Variants in CRYBG3 observed in about 807,000 individuals in gnomAD.
CRYBG3 encodes very large A-kinase anchor protein.
Under a neutral mutation model 244.2 loss-of-function variants are expected in CRYBG3, and 127 were observed. That is an observed-to-expected ratio of 0.52 (90% CI 0.45 to 0.60). The LOEUF (loss-of-function observed/expected upper bound fraction) is 0.60. CRYBG3 is among the 20% of genes least tolerant of loss of function. The probability of loss-of-function intolerance (pLI) is 0.00; values close to 1 mark genes in which losing one functional copy is unlikely to be tolerated. For missense variants in CRYBG3, 3,325 were observed against 3,442.5 expected, an observed-to-expected ratio of 0.97 and a Z score of 0.85; for synonymous variants, 1,132 against 1,195.8, an observed-to-expected ratio of 0.95 and a Z score of 1.10.
intron 1 of CRYBG3, among the ~76,000 whole-genome samples, chr3:97,826,176 TG>T (rs940628386): frequency 2.6e-5 from 4 of 152,176 alleles, no homozygotes; most frequent in African/African-American, 9.7e-5. Flanking sequence ...TATAGCCTGT[TG>T]TAGGGTATCA....
Position 97,876,630 on chromosome 3 carries a change from C to G in CRYBG3, c.5436C>G (p.His1812Gln), listed in dbSNP as rs562240745. The G allele has an allele frequency of 6.5e-6, 8 of 1,234,198 alleles. No individual in the cohort carries two copies. The highest frequency in any genetic ancestry group is 6.1e-6 in the Non-Finnish European group (6 of 989,558). 76.5% of individuals were successfully genotyped at this position (1,234,198 alleles called of 1,614,324 possible). Residue 1812 changes from histidine to glutamine, a missense_variant, in exon 4 of 22, where the codon CAC becomes CAG. Transcript: ENST00000389622. ...GTGTGTTAAAAGTGAAGGAAGCACA[C>G]GAGACAGCACCTGCCCCCTTAGAAA... ...VPCVLKVKEA[H>Q]ETAPAPLEME...
At position 97,943,790 on chromosome 3, in the gene CRYBG3, A is replaced by AAAT. The variant is rs2040288883; in HGVS notation, c.*478_*480dup. 1 of 154,084 alleles carries AAAT rather than the reference A, an allele frequency of 6.5e-6. No individual in the cohort carries two copies. Among genetic ancestry groups the AAAT allele is most frequent in the South Asian group, 2.0e-4 (1 of 4,894 alleles). The allele number at this position is 154,084 out of a possible 1,614,324, so 9.5% of individuals were successfully genotyped here. Reference sequence around the variant, plus strand: ...TGAGTAATTTTTTAGCAACACCTGAAAATATACTAAACTTTCCTAGATAAA... The same window carrying AAAT: ...TGAGTAATTTTTTAGCAACACCTGAAAATAATATACTAAACTTTCCTAGATAAA... On this transcript the variant is annotated 3_prime_UTR_variant, in exon 22 of 22. Coordinates refer to ENST00000389622, the MANE Select transcript of CRYBG3 (RefSeq NM_153605.4).
chr3:97,882,199 C>T (rs527549518), intron 7 of CRYBG3, among the ~76,000 whole-genome samples: 1,814 of 114,424 alleles, frequency 0.016, 36 homozygotes, highest in African/African-American at 0.05. Flanking sequence ...CAGAGCAAGA[C>T]TCTGTCTAAT....
chr3:97,925,441 T>C (rs964917867), intron 17 of CRYBG3, among the ~76,000 whole-genome samples: 1 of 152,044 alleles, frequency 6.6e-6, no homozygotes, highest in Non-Finnish European at 1.5e-5. Flanking sequence ...AATAAGAATG[T>C]CTGTTGCAGC....
At chr3:97,847,239 C>G (rs564479118) in intron 2 of CRYBG3, among the ~76,000 whole-genome samples, 1 of 152,248 alleles carries the variant, frequency 6.6e-6, no homozygotes, top group Admixed American at 6.5e-5. Context: ...ACTGTATCAC[C>G]AGTTATATCT....
At chr3:97,939,210 A>C (rs1247140919) in intron 19 of CRYBG3, among the ~76,000 whole-genome samples, 2 of 152,004 alleles carry the variant, frequency 1.3e-5, no homozygotes, top group Non-Finnish European at 2.9e-5. Flanking sequence ...CAAGAATAGT[A>C]TGCTATTTTC....
At chr3:97,943,204 T>G (rs1205981739) in intron 21 of CRYBG3, 22 bp from the exon 22 acceptor site, 1 of 1,396,788 alleles carries the variant, frequency 7.2e-7, no homozygotes, top group East Asian at 2.3e-5. Context: ...AATAATCTTT[T>G]CTTTTGGAAT....
intron 17 of CRYBG3, among the ~76,000 whole-genome samples, chr3:97,928,164 G>A (rs781767321): frequency 1.3e-5 from 2 of 151,976 alleles, no homozygotes; most frequent in Non-Finnish European, 2.9e-5. Flanking sequence ...ACCCATCAAC[G>A]TTGGACTGGA....
At chr3:97,857,404 G>A (rs1231348747) in intron 2 of CRYBG3, among the ~76,000 whole-genome samples, 1 of 150,964 alleles carries the variant, frequency 6.6e-6, no homozygotes. Flanking sequence ...AATTTAATCC[G>A]CGATTTCCTT....
At chr3:97,943,203 T>C in intron 21 of CRYBG3, 23 bp from the exon 22 acceptor site, 1 of 1,394,592 alleles carries the variant, frequency 7.2e-7, no homozygotes, top group Non-Finnish European at 1.0e-6. Flanking sequence ...AAATAATCTT[T>C]TCTTTTGGAA....
intron 1 of CRYBG3, among the ~76,000 whole-genome samples, chr3:97,838,394 A>G (rs548656372): frequency 1.3e-5 from 2 of 152,222 alleles, no homozygotes; most frequent in South Asian, 4.2e-4. Flanking sequence ...CTCTCAGACC[A>G]TTGTTTATCA....
intron 17 of CRYBG3, among the ~76,000 whole-genome samples, chr3:97,932,604 G>T (rs909221532): frequency 3.3e-5 from 5 of 151,998 alleles, no homozygotes; most frequent in Admixed American, 3.3e-4. Flanking sequence ...CTACCGAGTT[G>T]CAGTTGCTTC....
chr3:97,851,369 T>C (rs1033136932), intron 2 of CRYBG3, among the ~76,000 whole-genome samples: 2 of 152,192 alleles, frequency 1.3e-5, no homozygotes, highest in African/African-American at 4.8e-5. Context: ...TTAGTTACCG[T>C]TAATAACTTC....
chr3:97,871,132 T>C (rs1014641773), intron 3 of CRYBG3, among the ~76,000 whole-genome samples: 7 of 152,342 alleles, frequency 4.6e-5, no homozygotes, highest in African/African-American at 1.7e-4. Context: ...AATTGGGTGC[T>C]GAGAGCATCA....
chr3:97,914,888 A>G (rs1314906387), intron 16 of CRYBG3, among the ~76,000 whole-genome samples: 1 of 152,170 alleles, frequency 6.6e-6, no homozygotes, highest in Non-Finnish European at 1.5e-5. Flanking sequence ...CCAAAACTAA[A>G]TTAGTAACAG....
intron 3 of CRYBG3, among the ~76,000 whole-genome samples, chr3:97,866,699 G>GT: frequency 6.6e-6 from 1 of 152,206 alleles, no homozygotes. Context: ...ATTTTGATTG[G>GT]TTAGGTCAGA....
At position 97,873,474 on chromosome 3, in the gene CRYBG3, A is replaced by G. The variant is rs917157611; in HGVS notation, c.2280A>G (p.Leu760=). Residue 760 remains leucine (L), a synonymous_variant, in exon 4 of 22, where the codon CTA becomes CTG. Transcript: ENST00000389622. ...GCCCTCACTTAACTGGGTTGGAGCTATTGAGCTTTGACTCTGGAAACCTCT... is the reference window on the plus strand; with the variant it reads ...GCCCTCACTTAACTGGGTTGGAGCTGTTGAGCTTTGACTCTGGAAACCTCT... ...ASGPHLTGLE[L]LSFDSGNLSK... The G allele has an allele frequency of 9.8e-6, 15 of 1,535,792 alleles. No individual in the cohort carries two copies. The highest frequency in any genetic ancestry group is 1.4e-5 in the African/African-American group (1 of 73,048).
chr3:97,895,751 T>C (rs2039632869), intron 11 of CRYBG3, among the ~76,000 whole-genome samples: 1 of 152,236 alleles, frequency 6.6e-6, no homozygotes, highest in Non-Finnish European at 1.5e-5. Flanking sequence ...ATAATTAACC[T>C]TTTGTTGGGA....
intron 20 of CRYBG3, chr3:97,941,877 A>C (rs1202792618): frequency 6.5e-6 from 1 of 154,862 alleles, no homozygotes; most frequent in Non-Finnish European, 1.4e-5. Context: ...CTCATGCTTC[A>C]AAAATGAAAA....
Sources: gnomAD v4.1 joint callset for allele counts (sites outside exome capture counted in the v4.1 genomes callset) on GRCh38, gnomAD v4.1.1 for gene constraint, MANE v1.5 for transcripts, NCBI Gene and HGNC (gene_info 2026-07-23, HGNC 2026-07-21) for gene names.